The following RUNX1 variants were observed in gnomAD, a reference collection of about 807,000 sequenced individuals.
The protein encoded by RUNX1 is runt-related transcription factor 1.
Under a neutral mutation model 42.8 loss-of-function variants are expected in RUNX1, and 19 were observed. The ratio of observed to expected loss-of-function variants is 0.44; its 90% CI spans 0.31 to 0.65. RUNX1 has a LOEUF of 0.65. Among genes scored for constraint, RUNX1 ranks in the 30% least tolerant of loss-of-function variants. The pLI is 0.07. For synonymous variants in RUNX1, 271 were observed against 289.4 expected, an observed-to-expected ratio of 0.94 and a Z score of 0.64; for missense variants, 528 against 672.0, an observed-to-expected ratio of 0.79 and a Z score of 2.37.
chr21:34,900,728 C>T (rs1022872858), intron 2 of RUNX1, among the ~76,000 whole-genome samples: 2 of 152,176 alleles, frequency 1.3e-5, no homozygotes, highest in Non-Finnish European at 2.9e-5. Context: ...CTTTGGTTTC[C>T]TTGAGCTCGG....
At chr21:34,922,365 A>C (rs781717625) in intron 2 of RUNX1, among the ~76,000 whole-genome samples, 4 of 152,138 alleles carry the variant, frequency 2.6e-5, no homozygotes, top group Non-Finnish European at 5.9e-5. Context: ...ATTTTATGTA[A>C]TTCTTTTAAT....
At chr21:34,891,240 G>A (rs1264322268) in intron 3 of RUNX1, among the ~76,000 whole-genome samples, 1 of 152,214 alleles carries the variant, frequency 6.6e-6, no homozygotes, top group Non-Finnish European at 1.5e-5. Context: ...CGTCGTGGGA[G>A]CTGCTCAGCT....
At chr21:34,981,626 C>T (rs1317136775) in intron 2 of RUNX1, among the ~76,000 whole-genome samples, 1 of 152,182 alleles carries the variant, frequency 6.6e-6, no homozygotes, top group East Asian at 1.9e-4. Flanking sequence ...TTTGGATCCA[C>T]ATGAGCCATG....
At chr21:34,875,212 C>G (rs1394916756) in intron 5 of RUNX1, among the ~76,000 whole-genome samples, 1 of 152,222 alleles carries the variant, frequency 6.6e-6, no homozygotes, top group Non-Finnish European at 1.5e-5. Flanking sequence ...ACTGGGCCAC[C>G]CCAGGCTTTA....
chr21:34,841,047 C>T (rs1273208033), intron 6 of RUNX1, among the ~76,000 whole-genome samples: 1 of 152,198 alleles, frequency 6.6e-6, no homozygotes, highest in Non-Finnish European at 1.5e-5. Flanking sequence ...GAAAGCCACT[C>T]TGCGGAACAC....
chr21:34,960,746 G>T (rs1371813085), intron 2 of RUNX1, among the ~76,000 whole-genome samples: 3 of 152,130 alleles, frequency 2.0e-5, no homozygotes, highest in African/African-American at 7.2e-5. Context: ...AATCCCTTAT[G>T]GTGCTGGCTG....
At chr21:35,031,355 A>G (rs1240991994) in intron 2 of RUNX1, among the ~76,000 whole-genome samples, 1 of 152,198 alleles carries the variant, frequency 6.6e-6, no homozygotes, top group South Asian at 2.1e-4. Flanking sequence ...TCTCAAAAAA[A>G]TAGAAAAATC....
chr21:34,987,941 C>T (rs1167100821), intron 2 of RUNX1, among the ~76,000 whole-genome samples: 1 of 152,212 alleles, frequency 6.6e-6, no homozygotes, highest in Non-Finnish European at 1.5e-5. Flanking sequence ...CCTGAAATCA[C>T]GGAGATTCTT....
At chr21:34,909,175 C>T (rs902912435) in intron 2 of RUNX1, among the ~76,000 whole-genome samples, 8 of 152,062 alleles carry the variant, frequency 5.3e-5, no homozygotes, top group African/African-American at 1.9e-4. Flanking sequence ...TGACAGTACA[C>T]CAGGACCACT....
intron 7 of RUNX1, among the ~76,000 whole-genome samples, chr21:34,817,034 C>T (rs2056836406): frequency 6.6e-6 from 1 of 152,166 alleles, no homozygotes; most frequent in South Asian, 2.1e-4. Context: ...CCACTTTCCT[C>T]CAAAGGTGAC....
At chr21:34,864,133 G>A (rs1170934848) in intron 5 of RUNX1, among the ~76,000 whole-genome samples, 1 of 152,206 alleles carries the variant, frequency 6.6e-6, no homozygotes, top group Non-Finnish European at 1.5e-5. Flanking sequence ...CCTCCACGTG[G>A]CCCTGCCCTC....
chr21:34,878,417 T>G (rs1035160375), intron 5 of RUNX1, among the ~76,000 whole-genome samples: 7 of 151,630 alleles, frequency 4.6e-5, no homozygotes, highest in Non-Finnish European at 8.8e-5. Context: ...ACCAACAATA[T>G]TCATATCCAC....
chr21:34,863,396 C>T (rs2057604837), intron 5 of RUNX1, among the ~76,000 whole-genome samples: 1 of 152,196 alleles, frequency 6.6e-6, no homozygotes, highest in Admixed American at 6.5e-5. Context: ...CATTTTCTTA[C>T]TGAGCTGCGT....
intron 6 of RUNX1, among the ~76,000 whole-genome samples, chr21:34,853,015 T>C (rs2057444973): frequency 6.6e-6 from 1 of 152,194 alleles, no homozygotes; most frequent in Admixed American, 6.5e-5. Flanking sequence ...ACACGGGCCC[T>C]CCACGAAACC....
intron 3 of RUNX1, among the ~76,000 whole-genome samples, chr21:34,892,049 C>T (rs937539312): frequency 6.6e-5 from 10 of 152,208 alleles, no homozygotes; most frequent in African/African-American, 2.4e-4. Context: ...CAACAATTCT[C>T]TTAAAATTAC....
intron 4 of RUNX1, among the ~76,000 whole-genome samples, chr21:34,883,999 C>A (rs1359173880): frequency 6.6e-6 from 1 of 152,206 alleles, no homozygotes; most frequent in Admixed American, 6.5e-5. Flanking sequence ...CTCCGAACTT[C>A]CCTGCTGAAG....
chr21:34,936,706 C>T (rs2058488422), intron 2 of RUNX1, among the ~76,000 whole-genome samples: 1 of 152,092 alleles, frequency 6.6e-6, no homozygotes, highest in South Asian at 2.1e-4. Flanking sequence ...GCCGGGAGAC[C>T]CCATGGGTGC....
intron 2 of RUNX1, among the ~76,000 whole-genome samples, chr21:35,021,255 T>C (rs1381388779): frequency 6.6e-6 from 1 of 152,212 alleles, no homozygotes; most frequent in African/African-American, 2.4e-5. Context: ...ATCTACTATG[T>C]AAAGATTGTT....
At chr21:34,847,625 T>C (rs2057336326) in intron 6 of RUNX1, among the ~76,000 whole-genome samples, 2 of 152,216 alleles carry the variant, frequency 1.3e-5, no homozygotes, top group African/African-American at 4.8e-5. Context: ...TCCCATCTTA[T>C]AGATGACCCA....
Sources: allele counts gnomAD v4.1 joint callset (sites outside exome capture counted in the v4.1 genomes callset), GRCh38; gene constraint gnomAD v4.1.1; transcripts MANE v1.5; gene names NCBI Gene and HGNC (gene_info 2026-07-23, HGNC 2026-07-21).